The following GRID2 variants were observed in gnomAD, a reference collection of about 807,000 sequenced individuals.
GRID2 encodes glutamate ionotropic receptor delta type subunit 2.
A neutral mutation model predicts 114.8 loss-of-function variants in GRID2; 33 were observed. The observed-to-expected ratio is 0.29, with a 90% CI of 0.22 to 0.38. The LOEUF (loss-of-function observed/expected upper bound fraction) is 0.38. Among genes scored for constraint, GRID2 ranks in the 10% least tolerant of loss-of-function variants. The pLI is 1.00. For synonymous variants in GRID2, 505 were observed against 449.9 expected, an observed-to-expected ratio of 1.12 and a Z score of -1.55; for missense variants, 1,184 against 1,257.7, an observed-to-expected ratio of 0.94 and a Z score of 0.89.
chr4:93,665,734 G>C (rs550418028), intron 14 of GRID2, among the ~76,000 whole-genome samples: 2 of 151,996 alleles, frequency 1.3e-5, no homozygotes, highest in African/African-American at 2.4e-5. Flanking sequence ...TTAAATTTCC[G>C]GCTTCATTTG....
intron 13 of GRID2, among the ~76,000 whole-genome samples, chr4:93,592,577 T>C (rs1042234386): frequency 1.3e-5 from 2 of 152,156 alleles, no homozygotes; most frequent in East Asian, 1.9e-4. Context: ...TTAGGTCTGC[T>C]TGGTGCAGAG....
chr4:92,664,967 A>G (rs1290248314), intron 2 of GRID2, among the ~76,000 whole-genome samples: 1 of 149,526 alleles, frequency 6.7e-6, no homozygotes, highest in African/African-American at 2.4e-5. Context: ...GGTTGATTTT[A>G]AAAGTCCACT....
At chr4:92,651,817 C>A (rs572454707) in intron 2 of GRID2, among the ~76,000 whole-genome samples, 2 of 152,114 alleles carry the variant, frequency 1.3e-5, no homozygotes, top group Non-Finnish European at 2.9e-5. Context: ...TCAGCTATGT[C>A]CCAGAGTGGG....
At chr4:92,449,167 G>A (rs573744258) in intron 1 of GRID2, among the ~76,000 whole-genome samples, 166 of 152,086 alleles carry the variant, frequency 1.1e-3, no homozygotes, top group Middle Eastern at 6.8e-3. Context: ...AGATCTCCAT[G>A]TCACTAAGGT....
intron 8 of GRID2, 96 bp downstream of exon 8, chr4:93,238,586 A>T: frequency 9.4e-6 from 9 of 957,502 alleles, no homozygotes; most frequent in South Asian, 1.7e-5. Context: ...CATTAAAGTC[A>T]ATATTGTAGT....
rs1046658586 is a variant in GRID2 at position 92,405,994 on chromosome 4, A to G, written c.88+101250A>G. 7.2e-5 allele frequency among the ~76,000 whole-genome samples: 11 copies of G among 152,134 alleles called. No individual in the cohort carries two copies. The East Asian group carries it at 7.7e-4, about 11-fold the overall frequency. On this transcript the variant is annotated intron_variant, in intron 1 of 15. Transcript: ENST00000282020. The stretch of plus-strand genomic sequence containing the variant: ...CCAAAACTGAAGAACTTGGAGTCCA[A>G]TGTTCAAGGGCAGGAAGTATCCAGC...
chr4:92,945,661 C>T (rs900809203), intron 2 of GRID2, among the ~76,000 whole-genome samples: 1 of 152,134 alleles, frequency 6.6e-6, no homozygotes. Context: ...GTAGCTGCTT[C>T]AGTTTTTCCC....
chr4:93,334,999 G>GT (rs930332022), intron 8 of GRID2, among the ~76,000 whole-genome samples: 83 of 152,110 alleles, frequency 5.5e-4, no homozygotes, highest in African/African-American at 2.0e-3. Flanking sequence ...ATCATGTTAA[G>GT]TTTTTTCTAA....
intron 2 of GRID2, 96 bp downstream of exon 2, chr4:92,590,382 G>C (rs1163580710): frequency 2.4e-6 from 2 of 835,760 alleles, no homozygotes; most frequent in East Asian, 5.0e-5. Context: ...CATCATTTTT[G>C]TATCTTGTTG....
intron 14 of GRID2, among the ~76,000 whole-genome samples, chr4:93,711,875 T>C (rs1728512762): frequency 6.6e-6 from 1 of 152,214 alleles, no homozygotes; most frequent in African/African-American, 2.4e-5. Context: ...GCTCACCTGA[T>C]GTTTTAATCT....
At chr4:93,492,311 AT>A in intron 12 of GRID2, among the ~76,000 whole-genome samples, 1 of 151,890 alleles carries the variant, frequency 6.6e-6, no homozygotes, top group Non-Finnish European at 1.5e-5. Context: ...TGAATAACTC[AT>A]TTTATAAATG....
intron 11 of GRID2, among the ~76,000 whole-genome samples, chr4:93,481,742 C>A (rs1406412061): frequency 6.6e-6 from 1 of 151,984 alleles, no homozygotes; most frequent in African/African-American, 2.4e-5. Context: ...GATATGGGAG[C>A]AATCCAATCT....
intron 1 of GRID2, among the ~76,000 whole-genome samples, chr4:92,410,494 G>C (rs546541252): frequency 6.6e-6 from 1 of 152,328 alleles, no homozygotes; most frequent in South Asian, 2.1e-4. Context: ...GCATTGGCAA[G>C]ATAAGATTGA....
chr4:92,901,604 G>A (rs1747587754), intron 2 of GRID2, among the ~76,000 whole-genome samples: 2 of 152,022 alleles, frequency 1.3e-5, no homozygotes, highest in South Asian at 2.1e-4. Context: ...TTTTCTTCTA[G>A]AATATTTATA....
intron 13 of GRID2, among the ~76,000 whole-genome samples, chr4:93,516,528 A>G (rs1008024542): frequency 6.6e-6 from 1 of 152,098 alleles, no homozygotes; most frequent in Non-Finnish European, 1.5e-5. Flanking sequence ...AATGGCCTCT[A>G]TCCTCTTTGC....
intron 2 of GRID2, among the ~76,000 whole-genome samples, chr4:92,769,713 C>T (rs1039391162): frequency 8.5e-5 from 13 of 152,188 alleles, no homozygotes; most frequent in Admixed American, 2.6e-4. Context: ...CCCTCTAAAG[C>T]CACAGCCCAA....
chr4:93,183,149 G>T (rs113954367), intron 4 of GRID2, among the ~76,000 whole-genome samples: 3 of 152,144 alleles, frequency 2.0e-5, no homozygotes, highest in African/African-American at 7.2e-5. Context: ...GCCTGAGGCA[G>T]AACTACATAA....
chr4:93,323,298 T>C (rs544188709), intron 8 of GRID2, among the ~76,000 whole-genome samples: 1 of 152,336 alleles, frequency 6.6e-6, no homozygotes, highest in East Asian at 1.9e-4. Flanking sequence ...ATTTATTAAA[T>C]AGGGAATCCT....
intron 2 of GRID2, among the ~76,000 whole-genome samples, chr4:92,852,159 T>C (rs1743859484): frequency 6.6e-6 from 1 of 151,912 alleles, no homozygotes; most frequent in Non-Finnish European, 1.5e-5. Flanking sequence ...TCTCTGTATG[T>C]GGAGGGGGGT....
Sources: gnomAD v4.1 joint callset for allele counts (sites outside exome capture counted in the v4.1 genomes callset) on GRCh38, gnomAD v4.1.1 for gene constraint, MANE v1.5 for transcripts, NCBI Gene and HGNC (gene_info 2026-07-23, HGNC 2026-07-21) for gene names.